CFAP20DC: variants seen among roughly 807,000 people sequenced by gnomAD.
The protein encoded by CFAP20DC is CFAP20 domain containing.
Under a neutral mutation model 101.7 loss-of-function variants are expected in CFAP20DC, and 84 were observed. The observed-to-expected ratio is 0.83, with a 90% confidence interval of 0.69 to 0.99. The LOEUF (loss-of-function observed/expected upper bound fraction) is 0.99, where lower values mean the gene tolerates loss of function less well. CFAP20DC is among the 50% of genes least tolerant of loss of function. CFAP20DC has a pLI of 0.00. For missense variants in CFAP20DC, 1,007 were observed against 970.3 expected (o/e 1.04, Z -0.50); for synonymous variants, 359 against 351.2 (o/e 1.02, Z -0.25).
chr3:58,836,940 A>G (rs2076777336), intron 13 of CFAP20DC, among the ~76,000 whole-genome samples: 1 of 152,122 alleles, frequency 6.6e-6, no homozygotes, highest in South Asian at 2.1e-4. Flanking sequence ...TTCATAAAGG[A>G]TGGAGGAGAC....
At chr3:58,996,318 G>C (rs2093132755) in intron 4 of CFAP20DC, among the ~76,000 whole-genome samples, 1 of 152,100 alleles carries the variant, frequency 6.6e-6, no homozygotes, top group African/African-American at 2.4e-5. Context: ...CCTGATATCT[G>C]GGAAAGCCCA....
At chr3:58,876,424 C>T (rs1329360354) in intron 7 of CFAP20DC, among the ~76,000 whole-genome samples, 3 of 151,906 alleles carry the variant, frequency 2.0e-5, no homozygotes, top group Non-Finnish European at 4.4e-5. Flanking sequence ...GAAATGCATG[C>T]TTTTGAATTC....
At chr3:58,950,700 C>G (rs147968009) in intron 4 of CFAP20DC, among the ~76,000 whole-genome samples, 1 of 152,138 alleles carries the variant, frequency 6.6e-6, no homozygotes, top group African/African-American at 2.4e-5. Context: ...GGAAAACTGG[C>G]TAGCCATATG....
At chr3:59,045,657 C>A (rs1699795158) in intron 3 of CFAP20DC, among the ~76,000 whole-genome samples, 1 of 152,084 alleles carries the variant, frequency 6.6e-6, no homozygotes, top group Admixed American at 6.5e-5. Context: ...GAAATAGATT[C>A]TATGGGTCTT....
chr3:58,749,852 A>AG (rs1215936493), intron 16 of CFAP20DC, among the ~76,000 whole-genome samples: 2 of 152,346 alleles, frequency 1.3e-5, no homozygotes, highest in East Asian at 3.9e-4. Context: ...TAGTTTTCTC[A>AG]AATAAGTTCT....
intron 7 of CFAP20DC, among the ~76,000 whole-genome samples, chr3:58,880,394 T>C (rs1014470272): frequency 8.5e-5 from 13 of 152,282 alleles, no homozygotes; most frequent in Admixed American, 3.9e-4. Flanking sequence ...GCAGAGCAGG[T>C]CATTCTTCGT....
rs72883325 is a variant in CFAP20DC at position 59,006,987 on chromosome 3, T to C, written c.278+32570A>G. ...GTGAGCAGGCTAACTGGAGCTAAAC[T>C]CAGTGCTGTTAGTGGGGCACTGCGA... is the stretch of plus-strand genomic sequence containing the variant. On this transcript the variant is annotated intron_variant, in intron 4 of 16. Coordinates refer to ENST00000482387, the MANE Select transcript of CFAP20DC (RefSeq NM_001394063.1). The surrounding 1 kb of genome is among the most constrained non-coding windows in gnomAD (Gnocchi z 4.3). Among the ~76,000 whole-genome samples, 28,828 of 152,110 alleles carry C rather than the reference T, an allele frequency of 0.19. 2,801 individuals carry two copies. The highest frequency in any genetic ancestry group is 0.21 in the African/African-American group (8,650 of 41,476).
At chr3:58,848,864 C>G (rs1013017890) in intron 13 of CFAP20DC, among the ~76,000 whole-genome samples, 168 bp downstream of exon 13, 3 of 152,112 alleles carry the variant, frequency 2.0e-5, no homozygotes, top group African/African-American at 7.2e-5. Context: ...GCAGTAGACT[C>G]TTTAACAGCT....
At chr3:58,884,956 C>T (rs1432254881) in intron 6 of CFAP20DC, among the ~76,000 whole-genome samples, 1 of 152,048 alleles carries the variant, frequency 6.6e-6, no homozygotes, top group East Asian at 1.9e-4. Flanking sequence ...GAGAACTATA[C>T]AATAAATAAG....
intron 14 of CFAP20DC, among the ~76,000 whole-genome samples, chr3:58,825,001 TG>T (rs752910738): frequency 5.9e-5 from 9 of 152,078 alleles, no homozygotes; most frequent in Admixed American, 1.3e-4. Flanking sequence ...ATGACAGCTT[TG>T]GGGCATCTGC....
chr3:59,006,650 T>C lies in CFAP20DC; in HGVS notation c.278+32907A>G, dbSNP rs1401213622. The stretch of plus-strand genomic sequence containing the variant: ...AGAAGCAGTGGCAGGAAGAGCCTCG[T>C]AGGCAGTCCCATTCTCCAGCTTGAG... On this transcript the variant is annotated intron_variant, in intron 4 of 16. Coordinates refer to ENST00000482387, the MANE Select transcript of CFAP20DC (RefSeq NM_001394063.1). The surrounding 1 kb of genome is among the most constrained non-coding windows in gnomAD (Gnocchi z 4.3). 1.3e-5 allele frequency among the ~76,000 whole-genome samples: 2 copies of C among 152,134 alleles called. No homozygotes were observed. The highest frequency in any genetic ancestry group is 4.8e-5 in the African/African-American group (2 of 41,424).
chr3:58,785,944 A>G (rs926388024), intron 15 of CFAP20DC, among the ~76,000 whole-genome samples: 1 of 152,070 alleles, frequency 6.6e-6, no homozygotes, highest in Non-Finnish European at 1.5e-5. Flanking sequence ...TTCCTCCCAT[A>G]TATTTACCTT....
chr3:59,035,671 T>A (rs2094086734), intron 4 of CFAP20DC, among the ~76,000 whole-genome samples: 1 of 152,116 alleles, frequency 6.6e-6, no homozygotes, highest in East Asian at 1.9e-4. Flanking sequence ...CTGAGTAGAC[T>A]AATAACAATT....
chr3:58,921,136 T>C (rs1397785243), intron 5 of CFAP20DC, among the ~76,000 whole-genome samples: 11 of 152,102 alleles, frequency 7.2e-5, no homozygotes, highest in Admixed American at 7.2e-4. Flanking sequence ...AATGTGTATG[T>C]TCTTTTTTTT....
chr3:58,751,668 T>C (rs191512584), intron 16 of CFAP20DC, among the ~76,000 whole-genome samples: 1 of 152,130 alleles, frequency 6.6e-6, no homozygotes, highest in African/African-American at 2.4e-5. Context: ...TATATACATA[T>C]ATTTTTAGTA....
chr3:59,032,607 T>C (rs997308032), intron 4 of CFAP20DC, among the ~76,000 whole-genome samples: 4 of 152,188 alleles, frequency 2.6e-5, no homozygotes, highest in Non-Finnish European at 4.4e-5. Flanking sequence ...CAGAGACCAC[T>C]GCAGCTGGGC....
chr3:58,905,888 C>A (rs1231630688), intron 6 of CFAP20DC, among the ~76,000 whole-genome samples: 1 of 152,152 alleles, frequency 6.6e-6, no homozygotes, highest in East Asian at 1.9e-4. Flanking sequence ...ATTCTTACTC[C>A]ATGGCATCTC....
At chr3:58,856,265 GACACACACACACACAC>G (rs536277954) in intron 12 of CFAP20DC, among the ~76,000 whole-genome samples, 28 of 124,134 alleles carry the variant, frequency 2.3e-4, no homozygotes, top group East Asian at 1.4e-3. Flanking sequence ...TTCATCTTCT[GACACACACACACACAC>G]ACACACACAC....
intron 5 of CFAP20DC, among the ~76,000 whole-genome samples, chr3:58,916,569 T>C (rs2084743224): frequency 6.6e-6 from 1 of 152,172 alleles, no homozygotes; most frequent in Admixed American, 6.6e-5. Flanking sequence ...GCATTGAGTA[T>C]ATGTGTACAT....
Sources: allele counts gnomAD v4.1 joint callset (sites outside exome capture counted in the v4.1 genomes callset), GRCh38; gene constraint gnomAD v4.1.1; non-coding constraint Gnocchi (gnomAD v3.1); transcripts MANE v1.5; gene names NCBI Gene and HGNC (gene_info 2026-07-23, HGNC 2026-07-21).